Variants in RHBDL3 observed in about 807,000 individuals in gnomAD.
RHBDL3 encodes rhomboid like 3.
In RHBDL3, 28 loss-of-function variants were observed where a neutral mutation model predicts 48.2. That is an observed-to-expected ratio of 0.58 (90% CI 0.43 to 0.80). The LOEUF is 0.80. Ranked by LOEUF, RHBDL3 falls within the 30% of genes least tolerant of loss-of-function variation. The pLI is 0.00. For missense variants in RHBDL3, 464 were observed against 542.7 expected (o/e 0.85, Z 1.44); for synonymous variants, 208 against 232.3 (o/e 0.90, Z 0.95).
chr17:32,274,448 A>G (rs891530979), intron 2 of RHBDL3, among the ~76,000 whole-genome samples: 1 of 152,232 alleles, frequency 6.6e-6, no homozygotes, highest in African/African-American at 2.4e-5. Flanking sequence ...TGAAATCAGT[A>G]TATTTGAGTC....
intron 2 of RHBDL3, among the ~76,000 whole-genome samples, chr17:32,274,895 T>C (rs2150693657): frequency 6.6e-6 from 1 of 152,208 alleles, no homozygotes; most frequent in Admixed American, 6.5e-5. Context: ...TGTGCACGCA[T>C]GCATGTGTGT....
chr17:32,282,425 G>T (rs2040074949), intron 2 of RHBDL3, among the ~76,000 whole-genome samples: 1 of 152,200 alleles, frequency 6.6e-6, no homozygotes, highest in Middle Eastern at 3.4e-3. Context: ...AAATTCGCTG[G>T]TTGTGGTGGC....
intron 7 of RHBDL3, among the ~76,000 whole-genome samples, chr17:32,306,959 A>C (rs1282396860): frequency 6.6e-6 from 1 of 152,210 alleles, no homozygotes; most frequent in African/African-American, 2.4e-5. Flanking sequence ...AGAATGACAT[A>C]CAGTAAATGA....
chr17:32,318,966 C>T (rs2041040852), intron 8 of RHBDL3, among the ~76,000 whole-genome samples: 1 of 152,108 alleles, frequency 6.6e-6, no homozygotes, highest in Non-Finnish European at 1.5e-5. Context: ...TCTCTCATCC[C>T]AGGAAGGAAC....
chr17:32,324,437 C>T lies in RHBDL3; in HGVS notation c.*3208C>T, dbSNP rs1346530437. 1 of 152,632 alleles carries T rather than the reference C, an allele frequency of 6.6e-6. No individual in the cohort carries two copies. The highest frequency in any genetic ancestry group is 2.4e-5 in the African/African-American group (1 of 41,454). The allele number at this position is 152,632 out of a possible 1,614,324, so 9.5% of individuals were successfully genotyped here. ...CGTGAAAGCCTTTCCTGGCATCATT[C>T]ATGTTGCTCCCCGTGCTGGCTGGAA... On this transcript the variant is annotated 3_prime_UTR_variant, in exon 9 of 9. Coordinates refer to ENST00000269051, the MANE Select transcript of RHBDL3 (RefSeq NM_138328.3).
In RHBDL3 at chr17:32,322,797, A is replaced by G. The variant is rs372096710; in HGVS notation, c.*1568A>G. ...CTGGTGCAGGCCCCGAATGGAGGGC[A>G]TGAGGATGACCTTTGACAAAAGATG... On this transcript the variant is annotated 3_prime_UTR_variant, in exon 9 of 9. Coordinates refer to ENST00000269051, the MANE Select transcript of RHBDL3 (RefSeq NM_138328.3). 2 of 152,438 alleles carry G rather than the reference A, an allele frequency of 1.3e-5. No homozygotes were observed. The highest frequency in any genetic ancestry group is 4.1e-4 in the South Asian group (2 of 4,824). 9.4% of individuals were successfully genotyped at this position (152,438 alleles called of 1,614,324 possible).
At chr17:32,273,729 GT>G (rs939217311) in intron 2 of RHBDL3, among the ~76,000 whole-genome samples, 1 of 151,990 alleles carries the variant, frequency 6.6e-6, no homozygotes, top group Non-Finnish European at 1.5e-5. Flanking sequence ...AATAGAGTAG[GT>G]TTTTTTGTTT....
rs112055954 is a variant in RHBDL3, at chr17:32,320,197, C to T, written c.944-761C>T. 5.9e-3 allele frequency among the ~76,000 whole-genome samples: 893 copies of T among 152,020 alleles called. 11 individuals are homozygous for T. Among genetic ancestry groups the T allele is most frequent in the African/African-American group, 0.018 (754 of 41,462 alleles). The stretch of plus-strand genomic sequence containing the variant: ...GAGGCTGAGATGGATCACCTGAGCC[C>T]GGGAGGTTGAGGCTGAAGTGAGCTG... On this transcript the variant is annotated intron_variant, in intron 8 of 8. Transcript: ENST00000269051.
rs556029232 is a variant in RHBDL3 at position 32,322,837 on chromosome 17, G to C, written c.*1608G>C. On this transcript the variant is annotated 3_prime_UTR_variant, in exon 9 of 9. Coordinates refer to ENST00000269051, the MANE Select transcript of RHBDL3 (RefSeq NM_138328.3). ...GACAAAAGATGACACTCCCTTTATCGTGCTCTTGGAATTCTCAACCACTGA... is the reference window on the plus strand; with the variant it reads ...GACAAAAGATGACACTCCCTTTATCCTGCTCTTGGAATTCTCAACCACTGA... The C allele has an allele frequency of 1.3e-5, 2 of 152,230 alleles. No homozygotes were observed. Among genetic ancestry groups the C allele is most frequent in the South Asian group, 2.1e-4 (1 of 4,826 alleles). The allele number at this position is 152,230 out of a possible 1,614,324, so 9.4% of individuals were successfully genotyped here.
At position 32,323,624 on chromosome 17, in the gene RHBDL3, T is replaced by C. The variant is rs974511805; in HGVS notation, c.*2395T>C. On this transcript the variant is annotated 3_prime_UTR_variant, in exon 9 of 9. Coordinates refer to ENST00000269051, the MANE Select transcript of RHBDL3 (RefSeq NM_138328.3). ...ACTAGAAGATTCTAGAAATCCCTCA[T>C]AGAAGCACTCAGCTCCCTCGGGGAC... The C allele has an allele frequency of 6.6e-6, 1 of 152,154 alleles. No individual in the cohort carries two copies. The highest frequency in any genetic ancestry group is 2.4e-5 in the African/African-American group (1 of 41,362). The allele number at this position is 152,154 out of a possible 1,614,324, so 9.4% of individuals were successfully genotyped here.
At chr17:32,279,165 A>C (rs530712873) in intron 2 of RHBDL3, among the ~76,000 whole-genome samples, 1 of 152,284 alleles carries the variant, frequency 6.6e-6, no homozygotes, top group African/African-American at 2.4e-5. Context: ...ATGCTTGGAC[A>C]ACAGGTATAT....
At chr17:32,289,986 C>T (rs569768003) in intron 4 of RHBDL3, among the ~76,000 whole-genome samples, 4 of 152,196 alleles carry the variant, frequency 2.6e-5, no homozygotes, top group Non-Finnish European at 5.9e-5. Flanking sequence ...GTTGAAGTTG[C>T]GATTTTTCTG....
chr17:32,293,544 C>T (rs1042819126), intron 4 of RHBDL3, among the ~76,000 whole-genome samples: 1 of 150,546 alleles, frequency 6.6e-6, no homozygotes, highest in Non-Finnish European at 1.5e-5. Flanking sequence ...ACTATCATTG[C>T]ACTCCAGCCT....
chr17:32,277,204 C>G (rs1409115736), intron 2 of RHBDL3, among the ~76,000 whole-genome samples: 1 of 152,236 alleles, frequency 6.6e-6, no homozygotes. Context: ...ACATCCCTCA[C>G]TGAGGTCCAG....
chr17:32,285,134 G>C (rs1167601782), intron 3 of RHBDL3, among the ~76,000 whole-genome samples: 2 of 149,338 alleles, frequency 1.3e-5, no homozygotes, highest in East Asian at 2.0e-4. Context: ...GGGAGGGAGA[G>C]AGAGAGGGAG....
chr17:32,280,210 A>G (rs1221291404), intron 2 of RHBDL3, among the ~76,000 whole-genome samples: 1 of 152,058 alleles, frequency 6.6e-6, no homozygotes, highest in South Asian at 2.1e-4. Context: ...CTGGGCCCCT[A>G]CGGCCCATTC....
chr17:32,318,990 A>G (rs1477525272), intron 8 of RHBDL3, among the ~76,000 whole-genome samples: 1 of 151,710 alleles, frequency 6.6e-6, no homozygotes, highest in Non-Finnish European at 1.5e-5. Context: ...CAGCCTTAAA[A>G]CCTGAGGACT....
At chr17:32,274,251 G>A (rs2039843150) in intron 2 of RHBDL3, among the ~76,000 whole-genome samples, 1 of 152,190 alleles carries the variant, frequency 6.6e-6, no homozygotes, top group African/African-American at 2.4e-5. Context: ...AGGTAGACAG[G>A]GCTAGCACTC....
intron 2 of RHBDL3, among the ~76,000 whole-genome samples, chr17:32,272,507 G>T (rs981868320): frequency 1.3e-5 from 2 of 152,100 alleles, no homozygotes; most frequent in African/African-American, 4.8e-5. Flanking sequence ...AGCAGAGCAG[G>T]GTTCCCAGAG....
Sources: gnomAD v4.1 joint callset for allele counts (sites outside exome capture counted in the v4.1 genomes callset) on GRCh38, gnomAD v4.1.1 for gene constraint, MANE v1.5 for transcripts, NCBI Gene and HGNC (gene_info 2026-07-23, HGNC 2026-07-21) for gene names.